The following TP63 variants were observed in gnomAD, a reference collection of about 807,000 sequenced individuals.
The protein encoded by TP63 is tumor protein p63.
Under a neutral mutation model 82.8 loss-of-function variants are expected in TP63, and 17 were observed. The ratio of observed to expected loss-of-function variants is 0.21; its 90% CI spans 0.14 to 0.31. The LOEUF is 0.31. Ranked by LOEUF, TP63 falls within the 10% of genes least tolerant of loss-of-function variation. The probability of loss-of-function intolerance (pLI) is 1.00; values close to 1 mark genes in which losing one functional copy is unlikely to be tolerated. For synonymous variants in TP63, 330 were observed against 321.7 expected (o/e 1.03, Z -0.28); for missense variants, 648 against 895.3 (o/e 0.72, Z 3.52).
At chr3:189,694,790 CTTTTTTTTTTTTTTTTTT>C (rs71175304) in intron 1 of TP63, among the ~76,000 whole-genome samples, 7 of 32,756 alleles carry the variant, frequency 2.1e-4, no homozygotes, top group South Asian at 4.2e-3. Flanking sequence ...TATTTACAGC[CTTTTTTTTTTTTTTTTTT>C]TTTTTTTTTT....
chr3:189,865,336 T>C (rs1717584395), intron 5 of TP63, among the ~76,000 whole-genome samples: 1 of 152,198 alleles, frequency 6.6e-6, no homozygotes. Flanking sequence ...CTTTAGACGC[T>C]ATATCCATGA....
chr3:189,752,176 T>G (rs1366944376), intron 3 of TP63, among the ~76,000 whole-genome samples: 1 of 152,118 alleles, frequency 6.6e-6, no homozygotes, highest in Non-Finnish European at 1.5e-5. Flanking sequence ...TTTATTTATT[T>G]TATCTATTTA....
intron 1 of TP63, among the ~76,000 whole-genome samples, chr3:189,695,354 TTTTG>T (rs748358084): frequency 2.1e-4 from 32 of 152,156 alleles, no homozygotes; most frequent in African/African-American, 4.8e-4. Context: ...GTTTTAAATT[TTTTG>T]TTTGTTTGTT....
chr3:189,762,777 A>T (rs1487629504), intron 3 of TP63, among the ~76,000 whole-genome samples: 2 of 152,206 alleles, frequency 1.3e-5, no homozygotes, highest in Non-Finnish European at 2.9e-5. Flanking sequence ...CTAGGAGTGC[A>T]GTGTTTAAAA....
chr3:189,711,738 T>C (rs1435155287), intron 1 of TP63, among the ~76,000 whole-genome samples: 10 of 152,176 alleles, frequency 6.6e-5, no homozygotes, highest in Non-Finnish European at 5.9e-5. Context: ...ACTCTGACAA[T>C]TTAAAAAATA....
chr3:189,861,618 C>T, intron 4 of TP63, among the ~76,000 whole-genome samples: 1 of 152,166 alleles, frequency 6.6e-6, no homozygotes, highest in East Asian at 1.9e-4. Flanking sequence ...CTTGCTGCCT[C>T]TCCCTACCAT....
chr3:189,716,420 T>TG (rs1169141972), intron 1 of TP63, among the ~76,000 whole-genome samples: 1,269 of 20,518 alleles, frequency 0.062, 18 homozygotes, highest in African/African-American at 0.092. Flanking sequence ...CTGTGCTGAA[T>TG]TTAATTTTAA....
chr3:189,867,772 G>C, intron 6 of TP63, 61 bp from the exon 7 acceptor site: 2 of 1,464,452 alleles, frequency 1.4e-6, no homozygotes, highest in South Asian at 1.2e-5. Context: ...GGGAAGAACT[G>C]AGAAGGAACA....
chr3:189,853,042 A>G (rs1715849824), intron 4 of TP63, among the ~76,000 whole-genome samples: 1 of 152,044 alleles, frequency 6.6e-6, no homozygotes, highest in Admixed American at 6.5e-5. Context: ...CCTCTATGAA[A>G]ATTGTCTTTT....
chr3:189,862,309 T>C (rs1717137831), intron 4 of TP63, among the ~76,000 whole-genome samples: 1 of 152,188 alleles, frequency 6.6e-6, no homozygotes, highest in Admixed American at 6.5e-5. Flanking sequence ...GATGAAGCTA[T>C]TATTATTTAT....
In TP63 at chr3:189,808,601, C is replaced by A. The variant is rs982117726; in HGVS notation, c.579+75C>A. 30 of 1,604,264 alleles carry A rather than the reference C, an allele frequency of 1.9e-5. No homozygotes were observed. In the East Asian group the frequency reaches 6.0e-4, roughly 32 times the overall value. ...GCTTCACCACGTCCCAGGGATTTCT[C>A]CCCCTTCCCAGTTTAGCGATTCCAT... On this transcript the variant is annotated intron_variant, in intron 4 of 13. Coordinates refer to ENST00000264731, the MANE Select transcript of TP63 (RefSeq NM_003722.5).
In TP63 at chr3:189,895,974, A is replaced by G. The variant is rs375551286; in HGVS notation, c.*1472A>G. ...ACCCATAGACATGAAAGGTCCCCACAGAGCAAGAGATAAGTCTTTCATGGC... is the reference window on the plus strand; with the variant it reads ...ACCCATAGACATGAAAGGTCCCCACGGAGCAAGAGATAAGTCTTTCATGGC... On this transcript the variant is annotated 3_prime_UTR_variant, in exon 14 of 14. Transcript: ENST00000264731. The G allele has an allele frequency of 6.5e-5, 15 of 229,662 alleles. No homozygotes were observed. The highest frequency in any genetic ancestry group is 5.6e-4 in the East Asian group (9 of 16,072). The allele number at this position is 229,662 out of a possible 1,614,324, so 14.2% of individuals were successfully genotyped here. A position where few individuals can be genotyped will look rare whatever the true frequency, so the allele number is the denominator to read the frequency against.
At chr3:189,886,942 C>G (rs569443956) in intron 11 of TP63, among the ~76,000 whole-genome samples, 1 of 152,244 alleles carries the variant, frequency 6.6e-6, no homozygotes, top group Admixed American at 6.5e-5. Flanking sequence ...GGCATGGTGG[C>G]TCACGACTGC....
At chr3:189,676,387 C>T (rs1334494404) in intron 1 of TP63, among the ~76,000 whole-genome samples, 2 of 152,038 alleles carry the variant, frequency 1.3e-5, no homozygotes, top group African/African-American at 4.8e-5. Context: ...TTTTAGATTC[C>T]ATATGTAAGT....
the TP63 span, among the ~76,000 whole-genome samples, chr3:189,623,801 A>G: frequency 0.014 from 2,190 of 152,322 alleles, 26 homozygotes; most frequent in East Asian, 0.045. Context: ...ATGCATTATA[A>G]TCAGAGACCA....
chr3:189,720,458 C>G (rs779968654), intron 1 of TP63, among the ~76,000 whole-genome samples: 24 of 152,108 alleles, frequency 1.6e-4, no homozygotes, highest in Non-Finnish European at 2.9e-4. Flanking sequence ...GATAGTGCAT[C>G]TCTTCCATTA....
intron 1 of TP63, among the ~76,000 whole-genome samples, chr3:189,656,478 G>A (rs533734935): frequency 6.6e-6 from 1 of 152,142 alleles, no homozygotes; most frequent in Admixed American, 6.5e-5. Flanking sequence ...AATAAAAAGA[G>A]TTTCAAACAA....
At position 189,769,690 on chromosome 3, in the gene TP63, GC is replaced by G. The variant is rs369049363; in HGVS notation, c.324+30919del. On this transcript the variant is annotated intron_variant, in intron 3 of 13. Transcript: ENST00000264731. ...GAAATAAAACTTTCAAAATGACTGT[GC>G]CCATTTAGACATTTTAAAATGTTTC... 1.3e-3 allele frequency among the ~76,000 whole-genome samples: 197 copies of G among 152,214 alleles called. 1 individual carries two copies. The highest frequency in any genetic ancestry group is 4.3e-3 in the African/African-American group (180 of 41,550).
intron 1 of TP63, among the ~76,000 whole-genome samples, chr3:189,714,876 A>C (rs1324226692): frequency 6.6e-6 from 1 of 152,188 alleles, no homozygotes; most frequent in Non-Finnish European, 1.5e-5. Context: ...CAAAAATCCA[A>C]GAACTCAAAA....
Sources: allele counts gnomAD v4.1 joint callset (sites outside exome capture counted in the v4.1 genomes callset), GRCh38; gene constraint gnomAD v4.1.1; transcripts MANE v1.5; gene names NCBI Gene and HGNC (gene_info 2026-07-23, HGNC 2026-07-21).